The following USP50 variants were observed in gnomAD, a reference collection of about 807,000 sequenced individuals.
USP50 encodes the protein ubiquitin specific peptidase 50.
In USP50, 37 loss-of-function variants were observed where a neutral mutation model predicts 39.2. The ratio of observed to expected loss-of-function variants is 0.94; its 90% CI spans 0.73 to 1.24. The LOEUF (loss-of-function observed/expected upper bound fraction) is 1.24. Ranked by LOEUF, USP50 falls within the 50% of genes most tolerant of loss-of-function variation. The pLI is 0.00. For synonymous variants in USP50, 139 were observed against 144.5 expected (o/e 0.96, Z 0.27); for missense variants, 374 against 398.2 (o/e 0.94, Z 0.52).
intron 6 of USP50, among the ~76,000 whole-genome samples, chr15:50,524,481 G>A (rs2052872964): frequency 6.6e-6 from 1 of 152,152 alleles, no homozygotes; most frequent in Non-Finnish European, 1.5e-5. Context: ...TATTTCTCAA[G>A]ACATACAAAT....
chr15:50,509,965 G>C (rs903988912), intron 6 of USP50: 6 of 152,020 alleles, frequency 3.9e-5, no homozygotes, highest in Admixed American at 2.6e-4. Context: ...GATGGTTCTT[G>C]CTCTGCCAGA....
chr15:50,528,155 T>C (rs3109890), intron 6 of USP50, among the ~76,000 whole-genome samples: 89,930 of 150,554 alleles, frequency 0.6, 27,081 homozygotes, highest in African/African-American at 0.67. Context: ...GATCCTCCTA[T>C]CTCAGCCTCC....
At chr15:50,511,963 A>C (rs1033342221) in intron 6 of USP50, 4 of 152,260 alleles carry the variant, frequency 2.6e-5, no homozygotes, top group Admixed American at 2.6e-4. Flanking sequence ...GCACCATTGC[A>C]CTCCAGCCTG....
intron 6 of USP50, 151 bp downstream of exon 6, chr15:50,529,646 C>T: frequency 1.3e-6 from 1 of 778,654 alleles, no homozygotes; most frequent in Non-Finnish European, 2.0e-6. Context: ...TGTTCCTCTA[C>T]TTGTCTAGGT....
intron 1 of USP50, chr15:50,494,383 C>CTTGT: frequency 1.1e-6 from 1 of 941,974 alleles, no homozygotes; most frequent in Non-Finnish European, 1.6e-6. Context: ...TAGTTCAGTG[C>CTTGT]TTGTTTATTC....
Position 50,529,812 on chromosome 15 carries a change from G to A in USP50, c.921C>T (p.Asn307=), listed in dbSNP as rs1225804470. The change falls in exon 6 of 7, where the codon AAC becomes AAT. Residue 307 remains asparagine (N), a synonymous_variant. Coordinates refer to ENST00000532404, the MANE Select transcript of USP50 (RefSeq NM_203494.5). ...CSIFRKYPKY[N]LCAVVNHFGD... Reference sequence around the variant, plus strand: ...TTTTACTCACCACCACTGCACAGAGGTTGTATTTAGGATATTTCCGGAAAA... The same window carrying A: ...TTTTACTCACCACCACTGCACAGAGATTGTATTTAGGATATTTCCGGAAAA... 3 of 1,613,442 alleles carry A rather than the reference G, an allele frequency of 1.9e-6. No homozygotes were observed. The highest frequency in any genetic ancestry group is 2.2e-5 in the East Asian group (1 of 44,880).
intron 6 of USP50, chr15:50,513,240 T>C (rs1034940169): frequency 1.3e-5 from 2 of 152,184 alleles, no homozygotes; most frequent in Non-Finnish European, 2.9e-5. Context: ...TATGCACATA[T>C]ATATGCAGGA....
intron 6 of USP50, among the ~76,000 whole-genome samples, chr15:50,518,386 A>G (rs1018176122): frequency 6.6e-6 from 1 of 151,694 alleles, no homozygotes; most frequent in Non-Finnish European, 1.5e-5. Context: ...ACGCCCGGCT[A>G]ATTTTTTTTT....
chr15:50,498,546 C>A, downstream of USP50: 1 of 1,528,726 alleles, frequency 6.5e-7, no homozygotes. Context: ...AATGAGGATT[C>A]ATCCTGGTAT....
At chr15:50,503,662 G>A (rs2052620390) in intron 6 of USP50, 1 of 152,138 alleles carries the variant, frequency 6.6e-6, no homozygotes, top group Non-Finnish European at 1.5e-5. Context: ...TCACCAGTTT[G>A]GGATTCAAAT....
At chr15:50,517,115 T>G (rs1347736785) in intron 6 of USP50, among the ~76,000 whole-genome samples, 1 of 152,186 alleles carries the variant, frequency 6.6e-6, no homozygotes, top group Non-Finnish European at 1.5e-5. Context: ...AACATTATTC[T>G]CAAGCACATG....
intron 1 of USP50, 61 bp downstream of exon 1, chr15:50,546,412 T>C (rs2053071317): frequency 1.3e-6 from 2 of 1,588,050 alleles, no homozygotes; most frequent in Non-Finnish European, 1.7e-6. Context: ...CCCTGACTCC[T>C]CTGAGCTTGA....
chr15:50,498,662 T>G (rs765643082), downstream of USP50: 6 of 1,613,316 alleles, frequency 3.7e-6, no homozygotes, highest in Admixed American at 5.0e-5. Context: ...TAGAAAATCT[T>G]GACTTGTCAC....
chr15:50,535,158 C>A (rs1431985497), intron 5 of USP50, among the ~76,000 whole-genome samples: 4 of 152,074 alleles, frequency 2.6e-5, no homozygotes, highest in African/African-American at 9.7e-5. Context: ...CACACACACA[C>A]ACACACAAAA....
chr15:50,500,917 T>G (rs1425944885), intron 6 of USP50, 80 bp from the exon 7 acceptor site: 1 of 1,194,254 alleles, frequency 8.4e-7, no homozygotes, highest in Non-Finnish European at 1.2e-6. Flanking sequence ...GGCCAAGAGA[T>G]GCTTTTTAAA....
intron 4 of USP50, among the ~76,000 whole-genome samples, chr15:50,540,210 C>G (rs1426240286): frequency 2.6e-5 from 4 of 152,162 alleles, no homozygotes; most frequent in African/African-American, 9.7e-5. Flanking sequence ...TGCCACCCAC[C>G]CCATGCCCAC....
chr15:50,529,675 G>A, intron 6 of USP50, 122 bp downstream of exon 6: 2 of 1,077,080 alleles, frequency 1.9e-6, no homozygotes, highest in South Asian at 1.7e-5. Flanking sequence ...AGAGTTTCCT[G>A]GTCTATATTT....
In USP50 at chr15:50,526,506, G is replaced by A. The variant is rs149095226; in HGVS notation, c.936+3291C>T. On this transcript the variant is annotated intron_variant, in intron 6 of 6. Coordinates refer to ENST00000532404, the MANE Select transcript of USP50 (RefSeq NM_203494.5). ...GGGTTGAAGGAGTTAGATATTGTTAGCATATGGTTGCCATTTCCAAATATT... is the reference window on the plus strand; with the variant it reads ...GGGTTGAAGGAGTTAGATATTGTTAACATATGGTTGCCATTTCCAAATATT... Among the ~76,000 whole-genome samples, 427 of 152,324 alleles carry A rather than the reference G, an allele frequency of 2.8e-3. 2 individuals are homozygous for A. The highest frequency in any genetic ancestry group is 9.8e-3 in the African/African-American group (407 of 41,570).
At chr15:50,544,093 C>G in intron 2 of USP50, 2 of 349,914 alleles carry the variant, frequency 5.7e-6, no homozygotes, top group Admixed American at 4.0e-5. Flanking sequence ...TTTGGGGGGC[C>G]GAGGTGGTAG....
Sources: gnomAD v4.1 joint callset for allele counts (sites outside exome capture counted in the v4.1 genomes callset) on GRCh38, gnomAD v4.1.1 for gene constraint, MANE v1.5 for transcripts, NCBI Gene and HGNC (gene_info 2026-07-23, HGNC 2026-07-21) for gene names.